The following TTC23 variants were observed in gnomAD, a reference collection of about 807,000 sequenced individuals.
TTC23 encodes tetratricopeptide repeat protein 23.
TTC23 carries 58 observed loss-of-function variants against 55.1 expected under a neutral mutation model. The ratio of observed to expected loss-of-function variants is 1.05; its 90% CI spans 0.85 to 1.31. The LOEUF is 1.31. TTC23 is among the 50% of genes most tolerant of loss of function. The probability of loss-of-function intolerance (pLI) is 0.00; values close to 1 mark genes in which losing one functional copy is unlikely to be tolerated. For missense variants in TTC23, 516 were observed against 534.4 expected (o/e 0.97, Z 0.34); for synonymous variants, 203 against 199.9 (o/e 1.02, Z -0.13).
intron 10 of TTC23, among the ~76,000 whole-genome samples, chr15:99,172,198 A>G (rs1020829893): frequency 5.9e-5 from 9 of 151,794 alleles, no homozygotes; most frequent in African/African-American, 2.2e-4. Context: ...TTGTATTTTC[A>G]GTAGAGACGG....
At chr15:99,156,043 C>A in intron 12 of TTC23, 105 bp downstream of exon 12, 2 of 1,498,500 alleles carry the variant, frequency 1.3e-6, no homozygotes, top group African/African-American at 1.4e-5. Flanking sequence ...TCTAAACAAG[C>A]CACTTCTAAA....
intron 9 of TTC23, among the ~76,000 whole-genome samples, chr15:99,187,263 T>C (rs1484987170): frequency 6.6e-6 from 1 of 151,448 alleles, no homozygotes; most frequent in Non-Finnish European, 1.5e-5. Flanking sequence ...CATATGCCCC[T>C]CTACCCCGCC....
intron 9 of TTC23, among the ~76,000 whole-genome samples, chr15:99,193,082 C>A (rs2075378372): frequency 6.6e-6 from 1 of 152,188 alleles, no homozygotes; most frequent in Non-Finnish European, 1.5e-5. Flanking sequence ...AATACCTGTA[C>A]CCACTTTGTA....
chr15:99,224,654 A>G (rs906974), intron 5 of TTC23, among the ~76,000 whole-genome samples: 67,965 of 152,112 alleles, frequency 0.45, 15,873 homozygotes, highest in African/African-American at 0.6. Context: ...GGATTGCTGT[A>G]TAAAGGATAT....
chr15:99,221,656 A>G lies in TTC23; in HGVS notation c.304+85T>C, dbSNP rs997778366. 3.6e-5 allele frequency: 56 copies of G among 1,542,930 alleles called. No individual in the cohort carries two copies. The South Asian group carries it at 5.5e-4, about 15-fold the overall frequency. On this transcript the variant is annotated intron_variant, in intron 6 of 13. Coordinates refer to ENST00000394132, the MANE Select transcript of TTC23 (RefSeq NM_001288615.3). ...AGAAAGGAGAATATTAAAAAACCTG[A>G]TCCTTCTAATTAAGTGTGAATCAAA...
chr15:99,193,309 A>T (rs1335443086), intron 9 of TTC23, among the ~76,000 whole-genome samples: 4 of 152,180 alleles, frequency 2.6e-5, no homozygotes, highest in Non-Finnish European at 5.9e-5. Flanking sequence ...CTGTGACCCC[A>T]CCCAAATCTC....
At chr15:99,141,204 GTATATAT>G in intron 12 of TTC23, among the ~76,000 whole-genome samples, 1 of 151,834 alleles carries the variant, frequency 6.6e-6, no homozygotes, top group African/African-American at 2.4e-5. Context: ...ACTGTGATAT[GTATATAT>G]TATATATGTA....
intron 2 of TTC23, among the ~76,000 whole-genome samples, chr15:99,244,679 C>G (rs1351460986): frequency 1.3e-5 from 2 of 151,984 alleles, no homozygotes; most frequent in African/African-American, 4.8e-5. Flanking sequence ...AGATTAAAAG[C>G]CTCAATATTA....
intron 9 of TTC23, among the ~76,000 whole-genome samples, chr15:99,197,120 T>C (rs554205289): frequency 7.4e-5 from 11 of 148,956 alleles, no homozygotes; most frequent in African/African-American, 2.7e-4. Flanking sequence ...TTTTTTTTTT[T>C]GAGACGGAGT....
intron 10 of TTC23, among the ~76,000 whole-genome samples, chr15:99,168,429 A>G (rs2151913366): frequency 6.6e-6 from 1 of 152,202 alleles, no homozygotes; most frequent in South Asian, 2.1e-4. Context: ...GCTTCCAGCA[A>G]CCTCAAGTTC....
rs1596148256 is a variant in TTC23, at chr15:99,137,152, CGTT to C, written c.*855_*857del. ...ACCTCGATCTGGCACTGGATCTCCT[CGTT>C]GACATCGTGGAGGAAGGCACTCAAA... is the stretch of plus-strand genomic sequence containing the variant. On this transcript the variant is annotated 3_prime_UTR_variant, in exon 14 of 14. Transcript: ENST00000394132. 1 of 152,318 alleles carries C rather than the reference CGTT, an allele frequency of 6.6e-6. No homozygotes were observed. Among genetic ancestry groups the C allele is most frequent in the East Asian group, 1.9e-4 (1 of 5,190 alleles). The allele number at this position is 152,318 out of a possible 1,614,324, so 9.4% of individuals were successfully genotyped here. A position where few individuals can be genotyped will look rare whatever the true frequency, so the allele number is the denominator to read the frequency against.
chr15:99,182,673 A>G (rs2074266706), intron 9 of TTC23, among the ~76,000 whole-genome samples: 1 of 152,014 alleles, frequency 6.6e-6, no homozygotes, highest in Admixed American at 6.6e-5. Context: ...ATCTGTATAT[A>G]TGCAGAGAAA....
intron 12 of TTC23, chr15:99,148,560 G>A (rs1460140470): frequency 2.0e-5 from 3 of 151,966 alleles, no homozygotes; most frequent in Non-Finnish European, 4.4e-5. Flanking sequence ...GTGAGGCAGT[G>A]GACTGAACCC....
chr15:99,169,502 C>T (rs946909448), intron 10 of TTC23, among the ~76,000 whole-genome samples: 1 of 152,166 alleles, frequency 6.6e-6, no homozygotes, highest in Non-Finnish European at 1.5e-5. Context: ...CCCACAAGAC[C>T]TAGGGCCTGT....
At chr15:99,234,619 G>C (rs1357020168) in intron 4 of TTC23, among the ~76,000 whole-genome samples, 1 of 152,050 alleles carries the variant, frequency 6.6e-6, no homozygotes, top group Non-Finnish European at 1.5e-5. Flanking sequence ...TGATCTGCCT[G>C]CCTCAGCCTC....
In TTC23 at chr15:99,142,012, G is replaced by C. The variant is rs2068284787; in HGVS notation, c.1144-2613C>G. On this transcript the variant is annotated intron_variant, in intron 12 of 13. Coordinates refer to ENST00000394132, the MANE Select transcript of TTC23 (RefSeq NM_001288615.3). ...TTTCTAAATCTGCACGGGGACCTTG[G>C]CCTGGCCTAGGCAATGGGCTGAGCT... 7.9e-5 allele frequency among the ~76,000 whole-genome samples: 12 copies of C among 152,266 alleles called. No individual in the cohort carries two copies. The South Asian group carries it at 2.5e-3, about 32-fold the overall frequency.
intron 10 of TTC23, among the ~76,000 whole-genome samples, chr15:99,169,014 C>G (rs2072545058): frequency 6.6e-6 from 1 of 152,156 alleles, no homozygotes; most frequent in South Asian, 2.1e-4. Context: ...GGGTGACTTC[C>G]AGAAGTTTCT....
intron 9 of TTC23, among the ~76,000 whole-genome samples, chr15:99,182,227 C>A (rs1235273652): frequency 1.0e-5 from 1 of 96,628 alleles, no homozygotes; most frequent in Non-Finnish European, 2.0e-5. Flanking sequence ...CCAGAAATCT[C>A]TCTCTCTCTC....
chr15:99,141,779 T>C (rs1454168395), intron 12 of TTC23, among the ~76,000 whole-genome samples: 3 of 152,228 alleles, frequency 2.0e-5, no homozygotes, highest in Non-Finnish European at 4.4e-5. Context: ...GAATTGAGAA[T>C]GTGGTTGTCC....
Sources: allele counts gnomAD v4.1 joint callset (sites outside exome capture counted in the v4.1 genomes callset), GRCh38; gene constraint gnomAD v4.1.1; transcripts MANE v1.5; gene names NCBI Gene and HGNC (gene_info 2026-07-23, HGNC 2026-07-21).